Variants in EGFR observed in about 807,000 individuals in gnomAD.
The protein encoded by EGFR is epidermal growth factor receptor, also known as avian erythroblastic leukemia viral (v-erb-b) oncogene homolog.
Under a neutral mutation model 143.0 loss-of-function variants are expected in EGFR, and 58 were observed. The ratio of observed to expected loss-of-function variants is 0.41; its 90% CI spans 0.33 to 0.50. The LOEUF is 0.50. Ranked by LOEUF, EGFR falls within the 20% of genes least tolerant of loss-of-function variation. The probability of loss-of-function intolerance (pLI) is 0.39; values close to 1 mark genes in which losing one functional copy is unlikely to be tolerated. For synonymous variants in EGFR, 613 were observed against 594.4 expected (o/e 1.03, Z -0.45); for missense variants, 1,307 against 1,579.0 (o/e 0.83, Z 2.92).
chr7:55,131,275 G>A (rs1465669628), intron 1 of EGFR, among the ~76,000 whole-genome samples: 1 of 151,484 alleles, frequency 6.6e-6, no homozygotes, highest in African/African-American at 2.4e-5. Flanking sequence ...GCAGAGGCTG[G>A]CTTTCCACCT....
intron 1 of EGFR, among the ~76,000 whole-genome samples, chr7:55,035,954 C>A (rs1035118034): frequency 6.6e-6 from 1 of 151,674 alleles, no homozygotes; most frequent in Non-Finnish European, 1.5e-5. Flanking sequence ...ACATCATTAT[C>A]TAATATTAAC....
chr7:55,168,955 TAC>T (rs1786206932), intron 15 of EGFR, among the ~76,000 whole-genome samples: 1 of 152,130 alleles, frequency 6.6e-6, no homozygotes, highest in Non-Finnish European at 1.5e-5. Flanking sequence ...AAGAAACACT[TAC>T]AGGGGTTTCT....
chr7:55,148,022 C>T (rs1480640474), intron 4 of EGFR, among the ~76,000 whole-genome samples: 3 of 152,168 alleles, frequency 2.0e-5, no homozygotes, highest in Non-Finnish European at 4.4e-5. Context: ...TTTGTTTGTC[C>T]ATTCACCTAT....
intron 1 of EGFR, among the ~76,000 whole-genome samples, chr7:55,022,541 G>T (rs1786634587): frequency 6.6e-6 from 1 of 152,172 alleles, no homozygotes; most frequent in Non-Finnish European, 1.5e-5. Flanking sequence ...CTGAGCTGTT[G>T]TTTCTGAATT....
rs554031485 is a variant in EGFR, at chr7:55,185,067, G to A, written c.2469+3589G>A. 4.6e-5 allele frequency among the ~76,000 whole-genome samples: 7 copies of A among 152,258 alleles called. No homozygotes were observed. The South Asian group carries it at 1.5e-3, about 32-fold the overall frequency. On this transcript the variant is annotated intron_variant, in intron 20 of 27. Coordinates refer to ENST00000275493, the MANE Select transcript of EGFR (RefSeq NM_005228.5). ...AGTTTTCTTCTAAATGTTGATGGGA[G>A]AGCTGGCCACTGTTATGCAAGTTTC... is the stretch of plus-strand genomic sequence containing the variant.
At chr7:55,124,813 T>A (rs1430164104) in intron 1 of EGFR, among the ~76,000 whole-genome samples, 1 of 152,214 alleles carries the variant, frequency 6.6e-6, no homozygotes, top group African/African-American at 2.4e-5. Flanking sequence ...CCATACTCAC[T>A]CGAACATTCC....
chr7:55,153,921 G>T (rs2128934644), intron 6 of EGFR, 90 bp from the exon 7 acceptor site: 1 of 1,590,500 alleles, frequency 6.3e-7, no homozygotes, highest in South Asian at 1.1e-5. Flanking sequence ...TGGGCTTTCT[G>T]ACGGGAGTCA....
intron 1 of EGFR, among the ~76,000 whole-genome samples, chr7:55,120,213 C>A (rs1167350103): frequency 6.6e-6 from 1 of 152,146 alleles, no homozygotes; most frequent in Non-Finnish European, 1.5e-5. Flanking sequence ...ACCAAGAGCA[C>A]TCTACACAGC....
intron 15 of EGFR, chr7:55,168,463 C>CAA: frequency 1.9e-6 from 2 of 1,028,646 alleles, no homozygotes; most frequent in Non-Finnish European, 3.1e-6. Flanking sequence ...GGGATTTAGT[C>CAA]AAGATTTAAA....
At chr7:55,067,582 G>A (rs75563762) in intron 1 of EGFR, among the ~76,000 whole-genome samples, 1,689 of 151,566 alleles carry the variant, frequency 0.011, 129 homozygotes, top group African/African-American at 0.039. Context: ...GTACGGTTCA[G>A]TAGTGTTAAG....
intron 1 of EGFR, among the ~76,000 whole-genome samples, chr7:55,085,462 G>A (rs1163023334): frequency 6.6e-6 from 1 of 152,218 alleles, no homozygotes; most frequent in Non-Finnish European, 1.5e-5. Flanking sequence ...CACTGTGCAC[G>A]CCCTCTTGTA....
chr7:55,116,933 T>G (rs1177187276), intron 1 of EGFR, among the ~76,000 whole-genome samples: 1 of 152,248 alleles, frequency 6.6e-6, no homozygotes, highest in East Asian at 1.9e-4. Context: ...TTCTCTTTTC[T>G]TGCAGTTACA....
chr7:55,118,418 G>C (rs1392024331), intron 1 of EGFR, among the ~76,000 whole-genome samples: 1 of 152,210 alleles, frequency 6.6e-6, no homozygotes, highest in Non-Finnish European at 1.5e-5. Flanking sequence ...AGTAAGATAG[G>C]CTCAGTAGGT....
intron 1 of EGFR, among the ~76,000 whole-genome samples, chr7:55,124,877 T>G (rs745905598): frequency 1.3e-5 from 2 of 152,250 alleles, no homozygotes; most frequent in Non-Finnish European, 2.9e-5. Flanking sequence ...CTTCTATCTT[T>G]CTGTAGCTAA....
At chr7:55,075,405 T>C (rs1484500627) in intron 1 of EGFR, among the ~76,000 whole-genome samples, 2 of 152,210 alleles carry the variant, frequency 1.3e-5, no homozygotes, top group Non-Finnish European at 2.9e-5. Flanking sequence ...TTTTATAATA[T>C]AGATAGTTTA....
intron 1 of EGFR, among the ~76,000 whole-genome samples, chr7:55,022,348 C>T (rs1314348782): frequency 6.6e-6 from 1 of 152,108 alleles, no homozygotes; most frequent in East Asian, 1.9e-4. Context: ...TCAGTAGGTC[C>T]GAGCTGTCTT....
At position 55,152,682 on chromosome 7, in the gene EGFR, C is replaced by T. The variant is rs1350965971; in HGVS notation, c.747+18C>T. The T allele has an allele frequency of 1.2e-6, 2 of 1,608,184 alleles. No individual in the cohort carries two copies. Among genetic ancestry groups the T allele is most frequent in the South Asian group, 2.2e-5 (2 of 90,982 alleles). On this transcript the variant is annotated intron_variant, in intron 6 of 27. Transcript: ENST00000275493. ...ACTGCCTGGTAAGATGCCCCTCCAG[C>T]AGCCTCCCTGGAGCAGGCTGGGGCT...
intron 1 of EGFR, among the ~76,000 whole-genome samples, chr7:55,092,601 T>A (rs983554201): frequency 2.0e-5 from 3 of 152,254 alleles, no homozygotes; most frequent in Non-Finnish European, 4.4e-5. Flanking sequence ...GTTAAGACAG[T>A]TTTTGAAGAA....
intron 1 of EGFR, among the ~76,000 whole-genome samples, chr7:55,062,317 C>G (rs1035835353): frequency 6.6e-5 from 10 of 152,102 alleles, no homozygotes; most frequent in African/African-American, 2.4e-4. Context: ...GTGTTGGAGG[C>G]AGGAGTGTTG....
Sources: allele counts gnomAD v4.1 joint callset (sites outside exome capture counted in the v4.1 genomes callset), GRCh38; gene constraint gnomAD v4.1.1; transcripts MANE v1.5; gene names NCBI Gene and HGNC (gene_info 2026-07-23, HGNC 2026-07-21).